Variants in ZNF491 observed in about 807,000 individuals in gnomAD.
ZNF491 encodes the protein zinc finger protein 491.
A neutral mutation model predicts 34.7 loss-of-function variants in ZNF491; 22 were observed. The observed-to-expected ratio is 0.63, with a 90% confidence interval of 0.45 to 0.90. ZNF491 has a LOEUF of 0.90. Among genes scored for constraint, ZNF491 ranks in the 40% least tolerant of loss-of-function variants. ZNF491 has a pLI of 0.00. For synonymous variants in ZNF491, 148 were observed against 174.3 expected (o/e 0.85, Z 1.19); for missense variants, 559 against 531.7 (o/e 1.05, Z -0.51).
chr19:11,804,100 GGCTGAGGCAGGAGAACTGCTT>G (rs1169480276), intron 1 of ZNF491, among the ~76,000 whole-genome samples: 5 of 151,890 alleles, frequency 3.3e-5, no homozygotes, highest in African/African-American at 1.2e-4. Context: ...CTACTCAGGA[GGCTGAGGCAGGAGAACTGCTT>G]GAACCCGGGA....
At position 11,807,378 on chromosome 19, in the gene ZNF491, A is replaced by G; in HGVS notation, c.*111A>G. ...GCATCCCTCCCAGCTTGAAGTGTCA[A>G]TAAAGGAAGGCAATAAAATGTAGAG... is the stretch of plus-strand genomic sequence containing the variant. On this transcript the variant is annotated 3_prime_UTR_variant, in exon 3 of 3. Coordinates refer to ENST00000323169, the MANE Select transcript of ZNF491 (RefSeq NM_152356.4). 1 of 739,584 alleles carries G rather than the reference A, an allele frequency of 1.4e-6. No homozygotes were observed. Among genetic ancestry groups the G allele is most frequent in the Non-Finnish European group, 2.1e-6 (1 of 481,188 alleles). 45.8% of individuals were successfully genotyped at this position (739,584 alleles called of 1,614,324 possible).
In ZNF491 at chr19:11,806,402, A is replaced by G; in HGVS notation, c.449A>G (p.Glu150Gly). The change falls in exon 3 of 3, where the codon GAA becomes GGA. Residue 150 changes from glutamate to glycine, a missense_variant. Physicochemically the swap from Glu to Gly is moderately conservative, Grantham distance 98 (BLOSUM62 -2). Coordinates refer to ENST00000323169, the MANE Select transcript of ZNF491 (RefSeq NM_152356.4). ...TGTCTCAGTTTATACCTTACCCATG[A>G]ACGAACTCACACTGGAGAGAAACGA... ...LDCLSLYLTH[E>G]RTHTGEKRYE... is the part of the protein sequence containing the mutation. 6.2e-7 allele frequency: 1 copy of G among 1,613,556 alleles called. No individual in the cohort carries two copies. The highest frequency in any genetic ancestry group is 8.5e-7 in the Non-Finnish European group (1 of 1,179,794).
chr19:11,807,934 A>G lies in ZNF491; in HGVS notation c.*667A>G, dbSNP rs1259844427. 6.0e-6 allele frequency: 1 copy of G among 167,102 alleles called. No homozygotes were observed. The highest frequency in any genetic ancestry group is 1.5e-5 in the Non-Finnish European group (1 of 68,130). The allele number at this position is 167,102 out of a possible 1,614,324, so 10.4% of individuals were successfully genotyped here. On this transcript the variant is annotated 3_prime_UTR_variant, in exon 3 of 3. Transcript: ENST00000323169. ...TGGTCTCATCCAGGACTCTCATGTGAGAAGGAACACCTTGCTCTGGTCAGG... is the reference window on the plus strand; with the variant it reads ...TGGTCTCATCCAGGACTCTCATGTGGGAAGGAACACCTTGCTCTGGTCAGG...
intron 2 of ZNF491, among the ~76,000 whole-genome samples, chr19:11,805,365 C>T (rs1220966630): frequency 2.8e-5 from 4 of 145,184 alleles, no homozygotes; most frequent in East Asian, 2.0e-4. Context: ...GCTGAGATCA[C>T]GCCATGGCAC....
At chr19:11,800,195 A>G (rs749976430) in intron 1 of ZNF491, among the ~76,000 whole-genome samples, 4 of 152,110 alleles carry the variant, frequency 2.6e-5, no homozygotes, top group African/African-American at 9.7e-5. Context: ...GGTTTTTGCT[A>G]CCACAGGGCT....
At chr19:11,799,955 G>A (rs1315138072) in intron 1 of ZNF491, among the ~76,000 whole-genome samples, 1 of 151,942 alleles carries the variant, frequency 6.6e-6, no homozygotes, top group East Asian at 1.9e-4. Flanking sequence ...AGTCAGGTAT[G>A]ATGGCCGCTT....
Position 11,807,199 on chromosome 19 carries a change from TG to T in ZNF491, c.1247del (p.Cys416LeufsTer29). The T allele has an allele frequency of 6.3e-7, 1 of 1,594,354 alleles. No homozygotes were observed. Among genetic ancestry groups the T allele is most frequent in the South Asian group, 1.1e-5 (1 of 87,454 alleles). On this transcript the variant is annotated frameshift_variant, in exon 3 of 3. Coordinates refer to ENST00000323169, the MANE Select transcript of ZNF491 (RefSeq NM_152356.4). LOFTEE classifies it high-confidence loss of function. Reference protein sequence around the residue: ...TGEKPYQCKECGKAFIRSSYC... With the variant: ...TGEKPYQCKEXGKAFIRSSYC... ...AGAGAAACCTTACCAATGTAAGGAA[TG>T]TGGGAAAGCCTTCATTCGTTCCAGT...
In ZNF491 at chr19:11,806,477, G is replaced by C. The variant is rs151175533; in HGVS notation, c.524G>C (p.Arg175Pro). 2.6e-5 allele frequency: 42 copies of C among 1,613,538 alleles called. No homozygotes were observed. The African/African-American group carries it at 5.2e-4, about 20-fold the overall frequency. ...GKAFSWHSSV[R>P]IHERTHTGEK... ...GCCTTCAGTTGGCACAGTTCTGTTC[G>C]AATCCATGAAAGAACTCACACTGGG... Residue 175 changes from arginine to proline, a missense_variant, in exon 3 of 3, where the codon CGA becomes CCA. Coordinates refer to ENST00000323169, the MANE Select transcript of ZNF491 (RefSeq NM_152356.4).
chr19:11,803,426 T>G (rs1364642871), intron 1 of ZNF491, among the ~76,000 whole-genome samples: 2 of 152,224 alleles, frequency 1.3e-5, no homozygotes, highest in Non-Finnish European at 2.9e-5. Context: ...GAAGTTATCA[T>G]TTGTATATTA....
Position 11,806,781 on chromosome 19 carries a change from T to TG in ZNF491, c.831dup (p.Lys278GlufsTer13). 1 of 1,612,260 alleles carries TG rather than the reference T, an allele frequency of 6.2e-7. No homozygotes were observed. The highest frequency in any genetic ancestry group is 8.5e-7 in the Non-Finnish European group (1 of 1,179,318). On this transcript the variant is annotated frameshift_variant, in exon 3 of 3. Transcript: ENST00000323169. LOFTEE classifies it high-confidence loss of function. ...AGAGGCCTCATAAATGTAAGATATGTGGGAAAGCCTTTTACTCTCCCAGTT... is the reference window on the plus strand; with the variant it reads ...AGAGGCCTCATAAATGTAAGATATGTGGGGAAAGCCTTTTACTCTCCCAGTT...
intron 2 of ZNF491, 90 bp downstream of exon 2, chr19:11,804,757 G>C (rs2145099594): frequency 1.6e-6 from 1 of 606,884 alleles, no homozygotes; most frequent in Admixed American, 4.9e-5. Context: ...AATATGGATA[G>C]GCAATCCTTC....
At chr19:11,804,206 CA>C (rs71166629) in intron 1 of ZNF491, among the ~76,000 whole-genome samples, 24,100 of 69,396 alleles carry the variant, frequency 0.35, 2,784 homozygotes, top group Non-Finnish European at 0.44. Context: ...CCATCTCAGA[CA>C]AAAAAAAAAA....
At chr19:11,804,870 G>A (rs1975592388) in intron 2 of ZNF491, among the ~76,000 whole-genome samples, 1 of 152,044 alleles carries the variant, frequency 6.6e-6, no homozygotes, top group African/African-American at 2.4e-5. Flanking sequence ...GGAAAAAATG[G>A]AAAGACCAGA....
chr19:11,800,385 A>G (rs2145095796), intron 1 of ZNF491, among the ~76,000 whole-genome samples: 1 of 152,272 alleles, frequency 6.6e-6, no homozygotes, highest in Non-Finnish European at 1.5e-5. Context: ...CCCCTCGCCA[A>G]TTGACATCCT....
chr19:11,803,359 G>A (rs994661571), intron 1 of ZNF491, among the ~76,000 whole-genome samples: 6 of 152,100 alleles, frequency 3.9e-5, no homozygotes, highest in Non-Finnish European at 2.9e-5. Flanking sequence ...CCATATACCC[G>A]TCACCCATTT....
At chr19:11,802,062 T>C (rs1216065033) in intron 1 of ZNF491, among the ~76,000 whole-genome samples, 1 of 152,168 alleles carries the variant, frequency 6.6e-6, no homozygotes, top group African/African-American at 2.4e-5. Context: ...CAATTGATCT[T>C]CCTGCCTCAG....
intron 2 of ZNF491, among the ~76,000 whole-genome samples, chr19:11,805,708 A>G (rs1404913404): frequency 1.3e-5 from 2 of 152,038 alleles, no homozygotes; most frequent in Admixed American, 1.3e-4. Context: ...TTAGCTGGGT[A>G]TGGTGGCACA....
intron 1 of ZNF491, among the ~76,000 whole-genome samples, chr19:11,803,903 G>C (rs1975580290): frequency 1.3e-5 from 2 of 152,022 alleles, no homozygotes; most frequent in African/African-American, 4.8e-5. Flanking sequence ...CTGGAGGCTG[G>C]GAAGTCTAAG....
At chr19:11,805,538 A>G (rs1387563692) in intron 2 of ZNF491, among the ~76,000 whole-genome samples, 1 of 151,784 alleles carries the variant, frequency 6.6e-6, no homozygotes, top group East Asian at 1.9e-4. Flanking sequence ...CAGAAAGTCT[A>G]CACTTCATGG....
Sources: allele counts gnomAD v4.1 joint callset (sites outside exome capture counted in the v4.1 genomes callset), GRCh38; gene constraint gnomAD v4.1.1; transcripts MANE v1.5; gene names NCBI Gene and HGNC (gene_info 2026-07-23, HGNC 2026-07-21).